Variants in CYYR1 observed in about 807,000 individuals in gnomAD.
The protein encoded by CYYR1 is cysteine and tyrosine rich 1.
In CYYR1, 14 loss-of-function variants were observed where a neutral mutation model predicts 15.2. That is an observed-to-expected ratio of 0.92 (90% CI 0.61 to 1.44). CYYR1 has a LOEUF of 1.44. Ranked by LOEUF, CYYR1 falls within the 40% of genes most tolerant of loss-of-function variation. The pLI is 0.00. For missense variants in CYYR1, 228 were observed against 209.5 expected, an observed-to-expected ratio of 1.09 and a Z score of -0.54; for synonymous variants, 80 against 77.4, an observed-to-expected ratio of 1.03 and a Z score of -0.18.
At chr21:26,472,642 G>C (rs924849192) in intron 3 of CYYR1, among the ~76,000 whole-genome samples, 29 of 151,980 alleles carry the variant, frequency 1.9e-4, no homozygotes, top group African/African-American at 6.5e-4. Context: ...TCTAAATGAG[G>C]ATCTTAATTT....
At chr21:26,487,825 T>C (rs932494301) in intron 2 of CYYR1, among the ~76,000 whole-genome samples, 4 of 151,988 alleles carry the variant, frequency 2.6e-5, no homozygotes, top group African/African-American at 9.7e-5. Context: ...GTTAAATTGT[T>C]ATTAAATATT....
At chr21:26,549,859 T>A (rs942539959) in intron 2 of CYYR1, among the ~76,000 whole-genome samples, 2 of 152,192 alleles carry the variant, frequency 1.3e-5, no homozygotes, top group Admixed American at 6.6e-5. Flanking sequence ...ATAACTTCAT[T>A]TTACCCTCCG....
chr21:26,571,506 AG>A (rs1320784695), intron 1 of CYYR1, among the ~76,000 whole-genome samples: 1 of 150,944 alleles, frequency 6.6e-6, no homozygotes, highest in African/African-American at 2.4e-5. Context: ...AGTTTACCAC[AG>A]GGAATATAAT....
intron 2 of CYYR1, among the ~76,000 whole-genome samples, chr21:26,563,990 C>G (rs1350233636): frequency 3.9e-5 from 6 of 152,126 alleles, no homozygotes; most frequent in Non-Finnish European, 2.9e-5. Flanking sequence ...TTTCTAATAA[C>G]CACAAGGGTT....
At chr21:26,490,487 A>T (rs1035535960) in intron 2 of CYYR1, among the ~76,000 whole-genome samples, 4 of 152,148 alleles carry the variant, frequency 2.6e-5, no homozygotes, top group African/African-American at 9.7e-5. Flanking sequence ...TGACAAGACA[A>T]CAATGAAATA....
intron 1 of CYYR1, among the ~76,000 whole-genome samples, 177 bp from the exon 2 acceptor site, chr21:26,566,545 A>G (rs1464503581): frequency 1.3e-5 from 2 of 152,184 alleles, no homozygotes; most frequent in African/African-American, 4.8e-5. Context: ...TCTCTTCCCC[A>G]TTAGACTCTA....
At position 26,468,478 on chromosome 21, in the gene CYYR1, C is replaced by G; in HGVS notation, c.*23G>C. The G allele has an allele frequency of 7.0e-7, 1 of 1,430,172 alleles. No homozygotes were observed. The highest frequency in any genetic ancestry group is 9.9e-7 in the Non-Finnish European group (1 of 1,012,056). The allele number at this position is 1,430,172 out of a possible 1,614,324, so 88.6% of individuals were successfully genotyped here. A position where few individuals can be genotyped will look rare whatever the true frequency, so the allele number is the denominator to read the frequency against. On this transcript the variant is annotated 3_prime_UTR_variant, in exon 4 of 4. Coordinates refer to ENST00000652641, the MANE Select transcript of CYYR1 (RefSeq NM_001320768.2). ...TTCCAGGCAAGATCGCCCATTGGCA[C>G]ATGTTCTGTTCTGGGAGATAGATTA...
intron 2 of CYYR1, among the ~76,000 whole-genome samples, chr21:26,548,255 T>C (rs1979123067): frequency 1.3e-5 from 2 of 152,254 alleles, no homozygotes; most frequent in African/African-American, 2.4e-5. Context: ...AATTAGTTTA[T>C]GAAATGATGG....
intron 2 of CYYR1, among the ~76,000 whole-genome samples, chr21:26,561,576 A>G (rs999847724): frequency 6.6e-6 from 1 of 152,226 alleles, no homozygotes; most frequent in Non-Finnish European, 1.5e-5. Context: ...CATTGAGAAG[A>G]AAAGAAATTT....
intron 3 of CYYR1, 100 bp from the exon 4 acceptor site, chr21:26,468,734 T>C (rs2123350225): frequency 1.1e-6 from 1 of 887,662 alleles, no homozygotes; most frequent in Non-Finnish European, 1.7e-6. Flanking sequence ...GGGACATAAA[T>C]TGTGGCTGCA....
chr21:26,562,799 A>ACACACACACACACACAC (rs1980321214), intron 2 of CYYR1, among the ~76,000 whole-genome samples: 4 of 132,604 alleles, frequency 3.0e-5, no homozygotes, highest in South Asian at 2.6e-4. Context: ...GACATACACA[A>ACACACACACACACACAC]ACACACACAC....
At chr21:26,559,503 G>C (rs988139891) in intron 2 of CYYR1, among the ~76,000 whole-genome samples, 9 of 151,850 alleles carry the variant, frequency 5.9e-5, no homozygotes, top group African/African-American at 2.2e-4. Context: ...CTTTTCTTTT[G>C]TGTTTTTTAA....
In CYYR1 at chr21:26,480,323, G is replaced by A. The variant is rs1371255873; in HGVS notation, c.283C>T (p.Arg95Cys). ...TGAGTCGTCCTGAGGATGCCCACGC[G>A]GGTCGCCCTGTGGTTCTTCATGCAC... ...CMCMKNHRAT[R>C]VGILRTTHIN... is the part of the protein sequence containing the mutation. Residue 95 changes from arginine (R) to cysteine (C), a missense_variant, in exon 3 of 4, where the codon CGC (arginine) becomes TGC (cysteine). Arg to Cys is a radical substitution (Grantham distance 180). Coordinates refer to ENST00000652641, the MANE Select transcript of CYYR1 (RefSeq NM_001320768.2). The A allele has an allele frequency of 5.0e-6, 8 of 1,613,448 alleles. No individual in the cohort carries two copies. The highest frequency in any genetic ancestry group is 1.7e-4 in the Middle Eastern group (1 of 6,048).
At chr21:26,544,743 CATCT>C (rs1385229373) in intron 2 of CYYR1, among the ~76,000 whole-genome samples, 1 of 152,088 alleles carries the variant, frequency 6.6e-6, no homozygotes, top group African/African-American at 2.4e-5. Flanking sequence ...GTAAAAACAA[CATCT>C]ATCTCTATAT....
chr21:26,562,682 A>G (rs1980286213), intron 2 of CYYR1, among the ~76,000 whole-genome samples: 1 of 151,576 alleles, frequency 6.6e-6, no homozygotes, highest in African/African-American at 2.4e-5. Flanking sequence ...CAAAACTCTG[A>G]TCAGATTCCA....
At position 26,480,315 on chromosome 21, in the gene CYYR1, G is replaced by T. The variant is rs769381889; in HGVS notation, c.291C>A (p.Gly97=). The T allele has an allele frequency of 1.9e-6, 3 of 1,613,390 alleles. No homozygotes were observed. Among genetic ancestry groups the T allele is most frequent in the East Asian group, 4.5e-5 (2 of 44,832 alleles). The part of the protein sequence containing the change: ...CMKNHRATRV[G]ILRTTHINTV... ...TGTTGATGTGAGTCGTCCTGAGGAT[G>T]CCCACGCGGGTCGCCCTGTGGTTCT... Residue 97 remains glycine (G), a synonymous_variant, in exon 3 of 4, where the codon GGC becomes GGA. Transcript: ENST00000652641.
At position 26,573,075 on chromosome 21, in the gene CYYR1, G is replaced by C; in HGVS notation, c.-135C>G. ...GAGCAGAGACCCGGCCATTGCCTAG[G>C]GAGCCTTCCAAGGGAGCCCGGGCCG... is the stretch of plus-strand genomic sequence containing the variant. On this transcript the variant is annotated 5_prime_UTR_variant, in exon 1 of 4. Transcript: ENST00000652641. 1.3e-6 allele frequency: 2 copies of C among 1,553,056 alleles called. No homozygotes were observed. The highest frequency in any genetic ancestry group is 2.3e-5 in the South Asian group (2 of 85,554).
intron 2 of CYYR1, among the ~76,000 whole-genome samples, chr21:26,534,401 C>T (rs540149358): frequency 2.6e-5 from 4 of 152,254 alleles, no homozygotes; most frequent in Admixed American, 2.0e-4. Context: ...TTTCTTGCCC[C>T]TCCTGATCTA....
intron 2 of CYYR1, among the ~76,000 whole-genome samples, chr21:26,509,332 A>G (rs1040295661): frequency 1.2e-4 from 19 of 152,224 alleles, no homozygotes; most frequent in African/African-American, 4.6e-4. Flanking sequence ...GTTACATTTT[A>G]CGTGAGTTCT....
Sources: allele counts gnomAD v4.1 joint callset (sites outside exome capture counted in the v4.1 genomes callset), GRCh38; gene constraint gnomAD v4.1.1; transcripts MANE v1.5; gene names NCBI Gene and HGNC (gene_info 2026-07-23, HGNC 2026-07-21).